Variants in RYR1 observed in about 807,000 individuals in gnomAD.
The protein encoded by RYR1 is central core disease of muscle.
Under a neutral mutation model 583.5 loss-of-function variants are expected in RYR1, and 342 were observed. That is an observed-to-expected ratio of 0.59 (90% CI 0.54 to 0.64). RYR1 has a LOEUF of 0.64. Ranked by LOEUF, RYR1 falls within the 30% of genes least tolerant of loss-of-function variation. The probability of loss-of-function intolerance (pLI) is 0.00; values close to 1 mark genes in which losing one functional copy is unlikely to be tolerated. For synonymous variants in RYR1, 2,791 were observed against 2,822.5 expected, an observed-to-expected ratio of 0.99 and a Z score of 0.35; for missense variants, 6,032 against 6,917.2, an observed-to-expected ratio of 0.87 and a Z score of 4.54.
chr19:38,477,267 C>T (rs996886633), intron 29 of RYR1, among the ~76,000 whole-genome samples: 5 of 151,958 alleles, frequency 3.3e-5, no homozygotes, highest in African/African-American at 4.8e-5. Context: ...CTCAGCCTCC[C>T]GAGTACCTGG....
chr19:38,565,113 A>ACGAGGACGAGGG lies in RYR1; in HGVS notation c.12782_12793dup (p.Glu4261_Gly4264dup). 1.3e-6 allele frequency: 2 copies of ACGAGGACGAGGG among 1,541,564 alleles called. No homozygotes were observed. Among genetic ancestry groups the ACGAGGACGAGGG allele is most frequent in the South Asian group, 2.4e-5 (2 of 84,162 alleles). ...GAGCCCGAGGGCGAGCCGGAGACCGACGAGGACGAGGGCGCGGGCGCGGCG... is the reference window on the plus strand; with the variant it reads ...GAGCCCGAGGGCGAGCCGGAGACCGACGAGGACGAGGGCGAGGACGAGGGCGCGGGCGCGGCG... On this transcript the variant is annotated inframe_insertion, in exon 91 of 106. Coordinates refer to ENST00000359596, the MANE Select transcript of RYR1 (RefSeq NM_000540.3). The surrounding 1 kb of genome is among the most constrained non-coding windows in gnomAD (Gnocchi z 4.7).
intron 34 of RYR1, among the ~76,000 whole-genome samples, chr19:38,488,765 A>G (rs1969414002): frequency 1.3e-5 from 2 of 152,144 alleles, no homozygotes; most frequent in African/African-American, 4.8e-5. Context: ...TTGGTCTCCC[A>G]AAGTGCTGGG....
intron 31 of RYR1, 89 bp from the exon 32 acceptor site, chr19:38,482,938 C>T (rs920774342): frequency 8.7e-7 from 1 of 1,148,176 alleles, no homozygotes; most frequent in South Asian, 1.2e-5. Flanking sequence ...AGATGAGGAC[C>T]TACAAATTGG....
intron 93 of RYR1, 123 bp from the exon 94 acceptor site, chr19:38,570,484 T>C (rs1410571264): frequency 2.5e-5 from 15 of 603,176 alleles, no homozygotes; most frequent in Non-Finnish European, 4.4e-5. Context: ...AATAAATAAA[T>C]AGGAGGTTGT....
rs989350448 is a variant in RYR1, at chr19:38,453,014, G to A, written c.1440G>A (p.Glu480=). The change falls in exon 13 of 106, where the codon GAG becomes GAA. Residue 480 remains glutamate (E), a splice_region_variant and synonymous_variant. Coordinates refer to ENST00000359596, the MANE Select transcript of RYR1 (RefSeq NM_000540.3). ...ACCGCCAGAGCCTCTTCCAGGAGGA[G>A]GTGAGGACGTGGCGAGGGCGGAGCG... ...LRNRQSLFQE[E]GMLSMVLNCI... 5.6e-6 allele frequency: 9 copies of A among 1,613,516 alleles called. No individual in the cohort carries two copies. Among genetic ancestry groups the A allele is most frequent in the Non-Finnish European group, 7.6e-6 (9 of 1,179,720 alleles).
At chr19:38,478,336 AC>A in intron 30 of RYR1, 98 bp from the exon 31 acceptor site, 1 of 1,334,526 alleles carries the variant, frequency 7.5e-7, no homozygotes, top group Non-Finnish European at 1.1e-6. Context: ...TGGGGATGGG[AC>A]TCTGAGGTTG....
chr19:38,507,575 T>G, intron 57 of RYR1, 137 bp from the exon 58 acceptor site: 1 of 714,420 alleles, frequency 1.4e-6, no homozygotes, highest in South Asian at 1.5e-5. Flanking sequence ...CATGGGGGAC[T>G]CAGAGTGGAG....
chr19:38,555,394 A>AAC (rs1237759279), intron 89 of RYR1, among the ~76,000 whole-genome samples: 2 of 151,038 alleles, frequency 1.3e-5, no homozygotes, highest in Non-Finnish European at 2.9e-5. Context: ...GTGAGTCCTG[A>AAC]ACACACCACT....
chr19:38,482,366 G>A (rs189866161), intron 31 of RYR1, among the ~76,000 whole-genome samples: 3 of 152,260 alleles, frequency 2.0e-5, no homozygotes, highest in Admixed American at 2.0e-4. Context: ...CTGCTTCAGA[G>A]ACAATGTTGT....
In RYR1 at chr19:38,458,166, T is replaced by C. The variant is rs1405685696; in HGVS notation, c.2041T>C (p.Leu681=). The C allele has an allele frequency of 6.2e-7, 1 of 1,613,992 alleles. No homozygotes were observed. Among genetic ancestry groups the C allele is most frequent in the Admixed American group, 1.7e-5 (1 of 60,016 alleles). ...ATTTCTGACAGCTCAGGCCACCCAC[T>C]TGCGGGTGGGCTGGGCCCTCACCGA... The part of the protein sequence containing the change: ...TPFLTAQATH[L]RVGWALTEGY... The change falls in exon 18 of 106, where the codon TTG becomes CTG. Residue 681 remains leucine, a synonymous_variant. Transcript: ENST00000359596.
intron 84 of RYR1, 81 bp downstream of exon 84, chr19:38,538,041 C>A: frequency 1.5e-6 from 2 of 1,292,560 alleles, no homozygotes; most frequent in East Asian, 2.3e-5. Flanking sequence ...AGTTTCCGCC[C>A]CTCCTCCTCC....
chr19:38,527,274 G>T (rs1436543583), intron 72 of RYR1, among the ~76,000 whole-genome samples: 1 of 152,132 alleles, frequency 6.6e-6, no homozygotes, highest in Admixed American at 6.6e-5. Flanking sequence ...ACTTTGGAAG[G>T]CCAAGGCGGG....
chr19:38,533,807 C>T (rs1343444873), intron 78 of RYR1, among the ~76,000 whole-genome samples: 1 of 151,250 alleles, frequency 6.6e-6, no homozygotes, highest in Non-Finnish European at 1.5e-5. Flanking sequence ...AAAGATCTAG[C>T]AGTAGATCCA....
intron 19 of RYR1, 128 bp from the exon 20 acceptor site, chr19:38,460,247 C>A: frequency 1.2e-6 from 1 of 828,492 alleles, no homozygotes; most frequent in Non-Finnish European, 2.1e-6. Flanking sequence ...GACACTATGA[C>A]TGCCCGGTGA....
At chr19:38,440,676 C>T in intron 1 of RYR1, 69 bp from the exon 2 acceptor site, 1 of 1,574,100 alleles carries the variant, frequency 6.4e-7, no homozygotes, top group Non-Finnish European at 8.7e-7. Context: ...GGAGGAGGGG[C>T]CTGTGGTCTG....
chr19:38,503,866 T>C (rs903021294), intron 49 of RYR1, among the ~76,000 whole-genome samples: 5 of 152,146 alleles, frequency 3.3e-5, no homozygotes, highest in Non-Finnish European at 7.3e-5. Flanking sequence ...TTCTACTTGG[T>C]ATGTTAATTT....
chr19:38,515,000 G>T lies in RYR1; in HGVS notation c.9473-26G>T, dbSNP rs991928796. 8 of 1,576,752 alleles carry T rather than the reference G, an allele frequency of 5.1e-6. No homozygotes were observed. In the African/African-American group the frequency reaches 5.4e-5, roughly 11 times the overall value. On this transcript the variant is annotated intron_variant, in intron 63 of 105. Coordinates refer to ENST00000359596, the MANE Select transcript of RYR1 (RefSeq NM_000540.3). ...AGGGCTTGTCTTGTGAGCGCATGCC[G>T]CAGCCTCGCCCCCTGTCTCCCTCAG...
intron 25 of RYR1, among the ~76,000 whole-genome samples, chr19:38,468,650 C>T (rs1968253367): frequency 6.6e-6 from 1 of 152,174 alleles, no homozygotes; most frequent in African/African-American, 2.4e-5. Context: ...TTTTCCTTTC[C>T]ATCCCTCTAC....
intron 38 of RYR1, 96 bp from the exon 39 acceptor site, chr19:38,494,256 G>T (rs1403727956): frequency 6.7e-7 from 1 of 1,487,262 alleles, no homozygotes; most frequent in Non-Finnish European, 9.3e-7. Context: ...GAAAACTTCT[G>T]GAACAGGGGG....
Sources: allele counts gnomAD v4.1 joint callset (sites outside exome capture counted in the v4.1 genomes callset), GRCh38; gene constraint gnomAD v4.1.1; non-coding constraint Gnocchi (gnomAD v3.1); transcripts MANE v1.5; gene names NCBI Gene and HGNC (gene_info 2026-07-23, HGNC 2026-07-21).